The following ZC4H2 variants were observed in gnomAD, a reference collection of about 807,000 sequenced individuals.
The protein encoded by ZC4H2 is zinc finger C4H2-type containing, also known as zinc finger C4H2 domain-containing protein.
For missense variants in ZC4H2, 137 were observed against 173.9 expected, an observed-to-expected ratio of 0.79 and a Z score of 1.19; for synonymous variants, 84 against 66.3, an observed-to-expected ratio of 1.27 and a Z score of -1.30.
At chrX:64,990,449 A>G (rs1183956972) in intron 1 of ZC4H2, among the ~76,000 whole-genome samples, 2 of 111,541 alleles carry the variant, frequency 1.8e-5, no homozygotes, top group Admixed American at 9.5e-5. Flanking sequence ...TCTTGATTAT[A>G]TTAATGTCAA....
intron 1 of ZC4H2, among the ~76,000 whole-genome samples, chrX:64,989,933 G>A (rs1387267843): frequency 8.9e-6 from 1 of 111,929 alleles, no homozygotes; most frequent in Admixed American, 9.4e-5. Flanking sequence ...AGGTGAGCAT[G>A]CACAACGGTA....
At chrX:65,028,536 AT>A (rs11413970) in intron 1 of ZC4H2, among the ~76,000 whole-genome samples, 282 of 102,125 alleles carry the variant, frequency 2.8e-3, no homozygotes, top group African/African-American at 6.5e-3. Flanking sequence ...CCCTTTGGGG[AT>A]TTTTTTTTTT....
upstream of ZC4H2, among the ~76,000 whole-genome samples, chrX:64,980,637 A>G (rs920640723): frequency 8.9e-6 from 1 of 111,948 alleles, no homozygotes; most frequent in Non-Finnish European, 1.9e-5. Flanking sequence ...CACAGGAAGT[A>G]TATATTATTA....
intron 1 of ZC4H2, among the ~76,000 whole-genome samples, chrX:65,007,433 A>G (rs1306343118): frequency 8.9e-6 from 1 of 112,470 alleles, no homozygotes; most frequent in African/African-American, 3.2e-5. Flanking sequence ...GTGCAAATCT[A>G]AAGTCTTCAT....
intron 1 of ZC4H2, among the ~76,000 whole-genome samples, chrX:64,967,908 A>G (rs184492317): frequency 2.7e-4 from 30 of 112,060 alleles, no homozygotes; most frequent in Admixed American, 9.5e-4. Context: ...TGCTTTGGCC[A>G]TAAGCGGGGC....
intron 1 of ZC4H2, among the ~76,000 whole-genome samples, chrX:64,956,248 T>C (rs1463362593): frequency 9.0e-6 from 1 of 111,650 alleles, no homozygotes; most frequent in Non-Finnish European, 1.9e-5. Context: ...AAAGACTGCT[T>C]AGTTAAGTGA....
At chrX:64,945,864 G>A (rs1930503495) in intron 1 of ZC4H2, among the ~76,000 whole-genome samples, 1 of 111,146 alleles carries the variant, frequency 9.0e-6, no homozygotes, top group Admixed American at 9.6e-5. Flanking sequence ...CTTCCTGGTG[G>A]CTTTGTTTAC....
At chrX:64,942,813 T>A (rs66826533) in intron 1 of ZC4H2, among the ~76,000 whole-genome samples, 14,662 of 111,630 alleles carry the variant, frequency 0.13, 2,305 homozygotes, top group African/African-American at 0.45. Flanking sequence ...GTCTTTATAG[T>A]ACAATGATTT....
intron 3 of ZC4H2, chrX:64,919,722 G>T (rs948415067): frequency 6.5e-5 from 11 of 169,762 alleles, no homozygotes; most frequent in Non-Finnish European, 9.9e-5. Context: ...GTTTTTAGAG[G>T]TTTCTAGATA....
chrX:64,925,693 A>T (rs946082185), intron 1 of ZC4H2, among the ~76,000 whole-genome samples: 1 of 112,097 alleles, frequency 8.9e-6, no homozygotes, highest in Non-Finnish European at 1.9e-5. Context: ...GGCAAGAGAC[A>T]TTAATGCCAA....
intron 1 of ZC4H2, among the ~76,000 whole-genome samples, chrX:64,974,949 C>A (rs994134752): frequency 2.4e-5 from 2 of 82,541 alleles, no homozygotes; most frequent in African/African-American, 5.1e-5. Context: ...GTCTCACTTT[C>A]TAGCTAGCTT....
At chrX:64,968,613 A>G (rs755806681) in intron 1 of ZC4H2, among the ~76,000 whole-genome samples, 1 of 111,466 alleles carries the variant, frequency 9.0e-6, no homozygotes, top group Non-Finnish European at 1.9e-5. Context: ...GCAATTTTAT[A>G]TATAAAATTT....
intron 1 of ZC4H2, chrX:64,922,230 G>T: frequency 1.2e-5 from 4 of 345,923 alleles, no homozygotes; most frequent in Non-Finnish European, 1.6e-5. Context: ...GGGCAACATA[G>T]TGAGACCTTA....
chrX:64,978,743 A>AT (rs1022915288), upstream of ZC4H2, among the ~76,000 whole-genome samples: 5 of 110,844 alleles, frequency 4.5e-5, no homozygotes, highest in African/African-American at 1.7e-4. Context: ...CTGGAAAAAA[A>AT]AAATATATAT....
rs149543114 is a variant in ZC4H2 at position 64,934,691 on chromosome X, C to T, written c.54-12703G>A. Among the ~76,000 whole-genome samples the T allele has an allele frequency of 1.4e-3, 157 of 111,891 alleles. 3 individuals are homozygous for T. In the East Asian group the frequency reaches 0.037, roughly 26 times the overall value. ...GACAGTGGGTGCAGACCAAGAAGGA[C>T]GAGCCAAAGCAAGGTGGGGCATCGC... On this transcript the variant is annotated intron_variant, in intron 1 of 4. Transcript: ENST00000374839.
At chrX:64,952,041 C>A (rs1468196587) in intron 1 of ZC4H2, among the ~76,000 whole-genome samples, 4 of 110,867 alleles carry the variant, frequency 3.6e-5, no homozygotes, top group Admixed American at 1.9e-4. Flanking sequence ...TTCCCAGCAC[C>A]ATTTATTAAA....
Position 64,920,039 on chromosome X carries a change from G to A in ZC4H2, c.398+42C>T, listed in dbSNP as rs57348517. The stretch of plus-strand genomic sequence containing the variant: ...AGGTATGTAAGTATGTATGTGGGTC[G>A]GAGGGAGGGTATGTTGTAGGGACTG... On this transcript the variant is annotated intron_variant, in intron 3 of 4. Coordinates refer to ENST00000374839, the MANE Select transcript of ZC4H2 (RefSeq NM_018684.4). The A allele has an allele frequency of 2.0e-3, 2,382 of 1,179,914 alleles. 33 individuals carry two copies. In the African/African-American group the frequency reaches 0.037, roughly 18 times the overall value.
intron 1 of ZC4H2, among the ~76,000 whole-genome samples, chrX:64,935,176 G>A (rs1243077606): frequency 2.7e-5 from 3 of 111,517 alleles, no homozygotes; most frequent in Non-Finnish European, 5.6e-5. Context: ...GGCTTGAGTA[G>A]GCAGTTTTCC....
At chrX:65,024,760 G>A (rs1932864072) in intron 1 of ZC4H2, among the ~76,000 whole-genome samples, 1 of 111,721 alleles carries the variant, frequency 9.0e-6, no homozygotes, top group Admixed American at 9.5e-5. Flanking sequence ...TGGAGCTGGA[G>A]GCCATAATCC....
Sources: allele counts gnomAD v4.1 joint callset (sites outside exome capture counted in the v4.1 genomes callset), GRCh38; gene constraint gnomAD v4.1.1; transcripts MANE v1.5; gene names NCBI Gene and HGNC (gene_info 2026-07-23, HGNC 2026-07-21).